The following SLC24A2 variants were observed in gnomAD, a reference collection of about 807,000 sequenced individuals.
The protein encoded by SLC24A2 is solute carrier family 24 member 2.
A neutral mutation model predicts 62.0 loss-of-function variants in SLC24A2; 36 were observed. That is an observed-to-expected ratio of 0.58 (90% CI 0.44 to 0.77). The LOEUF is 0.77. SLC24A2 is among the 30% of genes least tolerant of loss of function. The pLI, the probability that SLC24A2 is intolerant of heterozygous loss-of-function variation, is 0.00. For missense variants in SLC24A2, 846 were observed against 817.9 expected (o/e 1.03, Z -0.42); for synonymous variants, 358 against 294.0 (o/e 1.22, Z -2.23).
chr9:19,708,283 A>C (rs1055110152), intron 2 of SLC24A2, among the ~76,000 whole-genome samples: 1 of 152,196 alleles, frequency 6.6e-6, no homozygotes, highest in African/African-American at 2.4e-5. Context: ...AGAACATTCC[A>C]TGCTCATGGG....
At chr9:20,070,788 C>G in the SLC24A2 span, among the ~76,000 whole-genome samples, 17 of 152,092 alleles carry the variant, frequency 1.1e-4, no homozygotes, top group Non-Finnish European at 2.9e-5. Flanking sequence ...TAGCCCAAAC[C>G]TTATGCTTTC....
chr9:19,594,718 ATCTTTG>A (rs1836657101), intron 5 of SLC24A2, among the ~76,000 whole-genome samples: 2 of 152,244 alleles, frequency 1.3e-5, no homozygotes, highest in African/African-American at 2.4e-5. Context: ...TGCCCCAAAC[ATCTTTG>A]TCTTTATTAT....
chr9:19,982,445 T>C, the SLC24A2 span, among the ~76,000 whole-genome samples: 1 of 152,104 alleles, frequency 6.6e-6, no homozygotes, highest in Non-Finnish European at 1.5e-5. Flanking sequence ...TTGGGGACAA[T>C]TAAAAGATTT....
chr9:20,220,232 GA>G, the SLC24A2 span, among the ~76,000 whole-genome samples: 12 of 152,140 alleles, frequency 7.9e-5, no homozygotes, highest in East Asian at 2.3e-3. Context: ...GTCACATAGA[GA>G]AATGGAAGTC....
the SLC24A2 span, among the ~76,000 whole-genome samples, chr9:19,887,958 T>C: frequency 2.0e-5 from 3 of 152,118 alleles, no homozygotes; most frequent in African/African-American, 7.2e-5. Context: ...GGTATGAGGA[T>C]GCAAATGGAC....
At chr9:19,899,671 T>C in the SLC24A2 span, among the ~76,000 whole-genome samples, 1 of 152,218 alleles carries the variant, frequency 6.6e-6, no homozygotes, top group Non-Finnish European at 1.5e-5. Context: ...ACTTGGTAAT[T>C]TATAAAGAAA....
At chr9:20,150,453 G>T in the SLC24A2 span, among the ~76,000 whole-genome samples, 1 of 151,924 alleles carries the variant, frequency 6.6e-6, no homozygotes, top group Non-Finnish European at 1.5e-5. Context: ...TGCATTAAAT[G>T]CATTGAATAG....
chr9:19,999,004 G>A, the SLC24A2 span, among the ~76,000 whole-genome samples: 1 of 152,244 alleles, frequency 6.6e-6, no homozygotes, highest in Non-Finnish European at 1.5e-5. Context: ...ATAGCAGAGA[G>A]ACTTGGGAAA....
chr9:20,009,175 G>C, the SLC24A2 span, among the ~76,000 whole-genome samples: 4 of 152,278 alleles, frequency 2.6e-5, no homozygotes, highest in South Asian at 8.3e-4. Flanking sequence ...CCCTGTGAAA[G>C]AGGCTCACTC....
At chr9:19,691,415 T>C (rs1330720466) in intron 2 of SLC24A2, among the ~76,000 whole-genome samples, 1 of 151,952 alleles carries the variant, frequency 6.6e-6, no homozygotes, top group Non-Finnish European at 1.5e-5. Flanking sequence ...AAAAGGACCA[T>C]AGGGAATCAA....
chr9:20,161,501 T>C, the SLC24A2 span, among the ~76,000 whole-genome samples: 106 of 151,546 alleles, frequency 7.0e-4, no homozygotes, highest in Non-Finnish European at 1.4e-3. Flanking sequence ...CAACAGATTT[T>C]AATACCTCAT....
chr9:19,924,828 G>C, the SLC24A2 span, among the ~76,000 whole-genome samples: 1 of 152,148 alleles, frequency 6.6e-6, no homozygotes, highest in Non-Finnish European at 1.5e-5. Flanking sequence ...CCTGTCTCTG[G>C]GAGAGTCTAT....
Position 19,576,931 on chromosome 9 carries a change from G to C in SLC24A2, c.1221C>G (p.Asn407Lys). 1 of 1,612,652 alleles carries C rather than the reference G, an allele frequency of 6.2e-7. No homozygotes were observed. The highest frequency in any genetic ancestry group is 8.5e-7 in the Non-Finnish European group (1 of 1,178,640). The change falls in exon 6 of 11, where the codon AAC (asparagine) becomes AAG (lysine). Residue 407 changes from asparagine to lysine, a missense_variant. Coordinates refer to ENST00000341998, the MANE Select transcript of SLC24A2 (RefSeq NM_020344.4). Reference protein sequence around the residue: ...DENERQNGAANHVEKIELPNS... With the variant: ...DENERQNGAAKHVEKIELPNS... ...ATGTTTCCCTGCACTCACCCACGTG[G>C]TTGGCAGCCCCATTCTGCCTCTCGT...
At chr9:19,667,532 C>A (rs1329451452) in intron 2 of SLC24A2, among the ~76,000 whole-genome samples, 1 of 152,150 alleles carries the variant, frequency 6.6e-6, no homozygotes, top group African/African-American at 2.4e-5. Flanking sequence ...TGTTCTTGAA[C>A]TTCCATCATA....
chr9:19,850,945 A>ATG, the SLC24A2 span, among the ~76,000 whole-genome samples: 1 of 21,692 alleles, frequency 4.6e-5, no homozygotes, highest in African/African-American at 1.6e-4. Context: ...ATATATATAT[A>ATG]CATATATATA....
chr9:19,528,162 G>C (rs1397481254), intron 8 of SLC24A2, 24 bp from the exon 9 acceptor site: 1 of 1,449,158 alleles, frequency 6.9e-7, no homozygotes, highest in South Asian at 1.2e-5. Flanking sequence ...AGGAAGAGTT[G>C]AGAATATCAG....
the SLC24A2 span, among the ~76,000 whole-genome samples, chr9:20,151,480 T>C: frequency 1.3e-5 from 2 of 151,888 alleles, no homozygotes; most frequent in African/African-American, 2.4e-5. Flanking sequence ...TTTTCTTTTA[T>C]GGGACCACCA....
At chr9:19,530,798 GT>G (rs1174507001) in intron 8 of SLC24A2, among the ~76,000 whole-genome samples, 1 of 152,106 alleles carries the variant, frequency 6.6e-6, no homozygotes, top group Non-Finnish European at 1.5e-5. Context: ...AATATTCTTT[GT>G]GAATTTTCAG....
At chr9:20,244,189 A>AT in the SLC24A2 span, among the ~76,000 whole-genome samples, 1 of 152,230 alleles carries the variant, frequency 6.6e-6, no homozygotes, top group Non-Finnish European at 1.5e-5. Flanking sequence ...ATAAACTCAG[A>AT]TAAAAAAGAA....
Sources: allele counts gnomAD v4.1 joint callset (sites outside exome capture counted in the v4.1 genomes callset), GRCh38; gene constraint gnomAD v4.1.1; transcripts MANE v1.5; gene names NCBI Gene and HGNC (gene_info 2026-07-23, HGNC 2026-07-21).